DIP2C: variants seen among roughly 807,000 people sequenced by gnomAD.
DIP2C encodes the protein disco-interacting protein 2 homolog C.
In DIP2C, 33 loss-of-function variants were observed where a neutral mutation model predicts 192.4. The observed-to-expected ratio is 0.17, with a 90% CI of 0.13 to 0.23. The LOEUF (loss-of-function observed/expected upper bound fraction) is 0.23, where lower values mean the gene tolerates loss of function less well. Among genes scored for constraint, DIP2C ranks in the 10% least tolerant of loss-of-function variants. The pLI is 1.00. For missense variants in DIP2C, 1,537 were observed against 2,110.1 expected (o/e 0.73, Z 5.32); for synonymous variants, 979 against 864.1 (o/e 1.13, Z -2.33).
At chr10:285,334 A>T (rs1955051204) in intron 34 of DIP2C, among the ~76,000 whole-genome samples, 1 of 152,144 alleles carries the variant, frequency 6.6e-6, no homozygotes, top group Admixed American at 6.5e-5. Flanking sequence ...ATAAGATGCC[A>T]GTTCTTAGCA....
rs182103030 is a variant in DIP2C at position 676,401 on chromosome 10, T to C, written c.85+13093A>G. 1.6e-4 allele frequency among the ~76,000 whole-genome samples: 25 copies of C among 151,592 alleles called. No homozygotes were observed. The East Asian group carries it at 3.7e-3, about 22-fold the overall frequency. On this transcript the variant is annotated intron_variant, in intron 1 of 36. Transcript: ENST00000280886. The stretch of plus-strand genomic sequence containing the variant: ...CTCCTATTCAACACAGTACTGAAAG[T>C]CCTAGTCAAGAGCAATCAGGCAAGA...
chr10:651,346 C>T lies in DIP2C; in HGVS notation c.85+38148G>A, dbSNP rs1262734097. On this transcript the variant is annotated intron_variant, in intron 1 of 36. Transcript: ENST00000280886. The surrounding 1 kb of genome is among the most constrained non-coding windows in gnomAD (Gnocchi z 4.1). ...TCCCATCAGGAACCACCTACTTTTG[C>T]ATCCCCAGCACTGTGCTCAGGTCCC... The T allele has an allele frequency of 5.7e-6, 4 of 702,992 alleles. No individual in the cohort carries two copies. Among genetic ancestry groups the T allele is most frequent in the Non-Finnish European group, 1.0e-5 (4 of 384,962 alleles). 43.5% of individuals were successfully genotyped at this position (702,992 alleles called of 1,614,324 possible).
At chr10:443,533 C>T (rs907065122) in intron 3 of DIP2C, among the ~76,000 whole-genome samples, 1 of 152,082 alleles carries the variant, frequency 6.6e-6, no homozygotes, top group Non-Finnish European at 1.5e-5. Context: ...TGGGCACTGC[C>T]AGCAAGCAGA....
chr10:337,756 G>T (rs1589526338), intron 29 of DIP2C, among the ~76,000 whole-genome samples: 1 of 144,732 alleles, frequency 6.9e-6, no homozygotes, highest in Non-Finnish European at 1.5e-5. Flanking sequence ...CTAGGCTGAT[G>T]TGTGTGTGTG....
At chr10:284,828 A>C (rs1955014223) in intron 34 of DIP2C, among the ~76,000 whole-genome samples, 1 of 152,220 alleles carries the variant, frequency 6.6e-6, no homozygotes, top group South Asian at 2.1e-4. Flanking sequence ...ACATCAAAGC[A>C]TCACAGTGCA....
At chr10:280,400 C>T (rs957341416) in intron 36 of DIP2C, among the ~76,000 whole-genome samples, 1 of 152,112 alleles carries the variant, frequency 6.6e-6, no homozygotes, top group Non-Finnish European at 1.5e-5. Flanking sequence ...AGTTAGCACC[C>T]GGTCTGTTAT....
At chr10:409,529 T>C (rs1965043076) in intron 8 of DIP2C, among the ~76,000 whole-genome samples, 2 of 151,960 alleles carry the variant, frequency 1.3e-5, no homozygotes, top group African/African-American at 4.8e-5. Context: ...ACAAAACAAA[T>C]CCCCTCTTAG....
intron 17 of DIP2C, among the ~76,000 whole-genome samples, chr10:379,056 G>A (rs1346715143): frequency 2.0e-5 from 3 of 152,190 alleles, no homozygotes; most frequent in South Asian, 2.1e-4. Flanking sequence ...GAGAACCAAT[G>A]GCATAAGCTC....
At chr10:482,356 C>CCT (rs1453953610) in intron 2 of DIP2C, among the ~76,000 whole-genome samples, 3 of 151,842 alleles carry the variant, frequency 2.0e-5, no homozygotes, top group Non-Finnish European at 4.4e-5. Flanking sequence ...CCATGGGAGG[C>CCT]CTCTTCCTGG....
intron 1 of DIP2C, among the ~76,000 whole-genome samples, chr10:559,990 T>TC (rs1211437343): frequency 1.7e-5 from 2 of 120,536 alleles, no homozygotes; most frequent in African/African-American, 6.1e-5. Context: ...TGTTCTCCTC[T>TC]CCCCCCGATC....
intron 24 of DIP2C, among the ~76,000 whole-genome samples, chr10:353,064 G>A (rs1278850953): frequency 6.6e-6 from 1 of 152,136 alleles, no homozygotes; most frequent in Non-Finnish European, 1.5e-5. Context: ...TTTCCGTCCT[G>A]AAACCCACCA....
At chr10:644,586 A>T (rs1470703957) in intron 1 of DIP2C, among the ~76,000 whole-genome samples, 1 of 152,264 alleles carries the variant, frequency 6.6e-6, no homozygotes, top group Non-Finnish European at 1.5e-5. Flanking sequence ...TGCAGCTGAA[A>T]CAACGTCCGG....
chr10:654,231 C>T (rs1856136151), intron 1 of DIP2C, among the ~76,000 whole-genome samples: 1 of 152,166 alleles, frequency 6.6e-6, no homozygotes, highest in Admixed American at 6.5e-5. Flanking sequence ...TATCTGATCT[C>T]ATGCTAATCA....
chr10:618,485 A>T (rs1244932591), intron 1 of DIP2C, among the ~76,000 whole-genome samples: 2 of 152,236 alleles, frequency 1.3e-5, no homozygotes, highest in African/African-American at 4.8e-5. Flanking sequence ...CTGCAGACAG[A>T]GCTCAAGGCA....
At chr10:650,741 T>G (rs1269181063) in intron 1 of DIP2C, 3 of 643,114 alleles carry the variant, frequency 4.7e-6, no homozygotes, top group Middle Eastern at 2.7e-4. Flanking sequence ...CCCCTCATGC[T>G]CACTTCCCTG....
chr10:341,980 G>A lies in DIP2C; in HGVS notation c.3454-651C>T, dbSNP rs529530721. On this transcript the variant is annotated intron_variant, in intron 28 of 36. Transcript: ENST00000280886. ...TAGGACTGGCGACAACTGTCACCAA[G>A]CTGGGCTATGTTGTGTCTGGGGAAT... Among the ~76,000 whole-genome samples, 13 of 152,326 alleles carry A rather than the reference G, an allele frequency of 8.5e-5. No individual in the cohort carries two copies. The South Asian group carries it at 2.7e-3, about 32-fold the overall frequency.
At chr10:509,015 G>A (rs117162531) in intron 1 of DIP2C, among the ~76,000 whole-genome samples, 3 of 152,214 alleles carry the variant, frequency 2.0e-5, no homozygotes, top group Admixed American at 6.5e-5. Flanking sequence ...GCCTGTCCTC[G>A]CTAGAACACT....
At position 355,731 on chromosome 10, in the gene DIP2C, G is replaced by A. The variant is rs182967819; in HGVS notation, c.2985+695C>T. ...AAACAGGAAATTTAATTACAAAGTG[G>A]AAATGATTTTCATTCCTGAGTCTGC... On this transcript the variant is annotated intron_variant, in intron 24 of 36. Coordinates refer to ENST00000280886, the MANE Select transcript of DIP2C (RefSeq NM_014974.3). Among the ~76,000 whole-genome samples, 1,071 of 152,302 alleles carry A rather than the reference G, an allele frequency of 7.0e-3. 27 individuals carry two copies. The highest frequency in any genetic ancestry group is 0.047 in the Admixed American group (712 of 15,294).
At chr10:436,144 C>T (rs1030057879) in intron 4 of DIP2C, among the ~76,000 whole-genome samples, 2 of 152,204 alleles carry the variant, frequency 1.3e-5, no homozygotes, top group South Asian at 2.1e-4. Context: ...TCAGCCACCA[C>T]GTGTGGTGAG....
Sources: gnomAD v4.1 joint callset for allele counts (sites outside exome capture counted in the v4.1 genomes callset) on GRCh38, gnomAD v4.1.1 for gene constraint, Gnocchi (gnomAD v3.1) non-coding constraint, MANE v1.5 for transcripts, NCBI Gene and HGNC (gene_info 2026-07-23, HGNC 2026-07-21) for gene names.